TCF20: variants seen among roughly 807,000 people sequenced by gnomAD.
The protein encoded by TCF20 is SPRE-binding protein.
A neutral mutation model predicts 148.6 loss-of-function variants in TCF20; 3 were observed. The observed-to-expected ratio is 0.02, with a 90% CI of 0.01 to 0.05. The LOEUF (loss-of-function observed/expected upper bound fraction) is 0.05, where lower values mean the gene tolerates loss of function less well. TCF20 is among the 10% of genes least tolerant of loss of function. The pLI, the probability that TCF20 is intolerant of heterozygous loss-of-function variation, is 1.00. For missense variants in TCF20, 2,350 were observed against 2,429.3 expected, an observed-to-expected ratio of 0.97 and a Z score of 0.69; for synonymous variants, 1,049 against 909.5, an observed-to-expected ratio of 1.15 and a Z score of -2.76.
At chr22:42,288,020 G>C (rs1254609128), upstream of TCF20, among the ~76,000 whole-genome samples, 1 of 152,190 alleles carries the variant, frequency 6.6e-6, no homozygotes, top group East Asian at 1.9e-4. Flanking sequence ...GCAAAGAGGA[G>C]GCAGGCCAGT....
At chr22:42,246,427 T>C (rs1459913143) in intron 1 of TCF20, among the ~76,000 whole-genome samples, 3 of 152,138 alleles carry the variant, frequency 2.0e-5, no homozygotes, top group African/African-American at 4.8e-5. Context: ...CTTAATTCTT[T>C]ACCTACATTG....
intron 1 of TCF20, among the ~76,000 whole-genome samples, chr22:42,283,339 ACCCT>A (rs1926949647): frequency 1.3e-5 from 2 of 150,792 alleles, no homozygotes; most frequent in Admixed American, 6.6e-5. Flanking sequence ...GCCGCTCTGC[ACCCT>A]CACACCCGGG....
In TCF20 at chr22:42,211,601, A is replaced by G; in HGVS notation, c.3705T>C (p.Val1235=). Residue 1235 remains valine (V), a synonymous_variant, in exon 2 of 6, where the codon GTT becomes GTC. Coordinates refer to ENST00000677622, the MANE Select transcript of TCF20 (RefSeq NM_001378418.1). ...CCTCCTGGCCTGGAAGTCTCAGCATAACACTACCAGGTTTGGATGACTGTG... is the reference window on the plus strand; with the variant it reads ...CCTCCTGGCCTGGAAGTCTCAGCATGACACTACCAGGTTTGGATGACTGTG... ...EATQSSKPGS[V]MLRLPGQEDH... The G allele has an allele frequency of 6.2e-7, 1 of 1,614,234 alleles. No individual in the cohort carries two copies.
intron 1 of TCF20, among the ~76,000 whole-genome samples, chr22:42,303,783 TGG>T (rs1249267458): frequency 7.2e-6 from 1 of 139,528 alleles, no homozygotes; most frequent in Non-Finnish European, 1.5e-5. Flanking sequence ...GGAAGAGGAC[TGG>T]GGGAGAAGAG....
chr22:42,336,046 C>A (rs142335958), intron 1 of TCF20, among the ~76,000 whole-genome samples: 281 of 152,348 alleles, frequency 1.8e-3, no homozygotes, highest in African/African-American at 6.0e-3. Context: ...ACCTTGGCCC[C>A]ATTAGCGTGG....
chr22:42,208,946 G>C (rs1938581504), intron 2 of TCF20, among the ~76,000 whole-genome samples: 1 of 152,162 alleles, frequency 6.6e-6, no homozygotes, highest in Admixed American at 6.6e-5. Flanking sequence ...TAGGGAAAAG[G>C]AGAAGATCCT....
At position 42,317,676 on chromosome 22, in the gene TCF20, C is replaced by T. The variant is rs1415281298; in HGVS notation, c.-37+25803G>A. ...GGGGGGAAAGGGGTGTAGACTCAGC[C>T]GCAGGACAGCGGGAGGGTGGGGGTT... On this transcript the variant is annotated intron_variant, in intron 1 of 1. Coordinates refer to the TCF20 transcript ENST00000515426. The surrounding 1 kb of genome is among the most constrained non-coding windows in gnomAD (Gnocchi z 4.2). Among the ~76,000 whole-genome samples, 3 of 151,950 alleles carry T rather than the reference C, an allele frequency of 2.0e-5. No homozygotes were observed. The highest frequency in any genetic ancestry group is 2.9e-5 in the Non-Finnish European group (2 of 67,960).
intron 1 of TCF20, among the ~76,000 whole-genome samples, chr22:42,307,913 G>A (rs890168578): frequency 4.6e-5 from 7 of 152,194 alleles, no homozygotes; most frequent in African/African-American, 9.7e-5. Flanking sequence ...GACGAACTTC[G>A]AGGCACTGCT....
chr22:42,197,298 A>T (rs1230570879), intron 2 of TCF20, among the ~76,000 whole-genome samples: 2 of 151,270 alleles, frequency 1.3e-5, no homozygotes, highest in African/African-American at 4.9e-5. Context: ...GTCCTCTATC[A>T]TCATCTAATT....
intron 5 of TCF20, among the ~76,000 whole-genome samples, chr22:42,161,972 C>CTTTTTTTTTTTTTTTTTTTTTTTTTTTTT (rs3045573): frequency 1.3e-5 from 1 of 75,026 alleles, no homozygotes; most frequent in African/African-American, 6.4e-5. Context: ...TAATGACAGT[C>CTTTTTTTTTTTTTTTTTTTTTTTTTTTTT]TTTTTTTTTT....
intron 2 of TCF20, among the ~76,000 whole-genome samples, chr22:42,207,440 A>G (rs1224807506): frequency 6.6e-6 from 1 of 152,126 alleles, no homozygotes; most frequent in Non-Finnish European, 1.5e-5. Flanking sequence ...TTCTACGGAG[A>G]GGACTACAGG....
intron 3 of TCF20, among the ~76,000 whole-genome samples, chr22:42,174,801 C>T (rs1481071371): frequency 2.6e-5 from 4 of 151,950 alleles, no homozygotes; most frequent in Non-Finnish European, 5.9e-5. Flanking sequence ...TTTGGGGGGC[C>T]AAGGTGGGCA....
In TCF20 at chr22:42,213,149, T is replaced by C; in HGVS notation, c.2157A>G (p.Arg719=). The part of the protein sequence containing the change: ...YKDSFGSAVP[R]NVSGFPQYPT... ...GATACTGAGGAAAGCCACTGACATT[T>C]CGTGGCACGGCTGACCCGAAACTAT... The change falls in exon 2 of 6, where the codon CGA becomes CGG. Residue 719 remains arginine, a synonymous_variant. Transcript: ENST00000677622. 6.2e-7 allele frequency: 1 copy of C among 1,614,208 alleles called. No individual in the cohort carries two copies. Among genetic ancestry groups the C allele is most frequent in the South Asian group, 1.1e-5 (1 of 91,084 alleles).
chr22:42,226,751 T>C (rs747721945), intron 1 of TCF20, among the ~76,000 whole-genome samples: 1 of 152,002 alleles, frequency 6.6e-6, no homozygotes, highest in South Asian at 2.1e-4. Flanking sequence ...CAATTCTGAA[T>C]TAAAATTCAA....
intron 1 of TCF20, among the ~76,000 whole-genome samples, chr22:42,248,763 T>C (rs898501274): frequency 6.6e-6 from 1 of 152,226 alleles, no homozygotes; most frequent in Non-Finnish European, 1.5e-5. Context: ...TGCATAGTTT[T>C]GGTTGTACAC....
chr22:42,263,872 G>A (rs1926148279), intron 1 of TCF20, among the ~76,000 whole-genome samples: 1 of 152,114 alleles, frequency 6.6e-6, no homozygotes. Context: ...GGGCATAGAT[G>A]GCAAAGAATA....
chr22:42,240,422 T>C (rs986374611), intron 1 of TCF20, among the ~76,000 whole-genome samples: 1 of 152,240 alleles, frequency 6.6e-6, no homozygotes, highest in Non-Finnish European at 1.5e-5. Flanking sequence ...TCAAGGTTAA[T>C]GTTAGAATAA....
At chr22:42,288,815 C>T (rs531578969), upstream of TCF20, among the ~76,000 whole-genome samples, 2 of 150,840 alleles carry the variant, frequency 1.3e-5, no homozygotes, top group East Asian at 2.0e-4. Context: ...GCTGGCACAA[C>T]GTTGCCATTC....
chr22:42,231,222 C>T (rs1210748231), intron 1 of TCF20, among the ~76,000 whole-genome samples: 2 of 152,088 alleles, frequency 1.3e-5, no homozygotes, highest in Admixed American at 1.3e-4. Context: ...TGGCTCACAC[C>T]TACAATTCCA....
Sources: allele counts gnomAD v4.1 joint callset (sites outside exome capture counted in the v4.1 genomes callset), GRCh38; gene constraint gnomAD v4.1.1; non-coding constraint Gnocchi (gnomAD v3.1); transcripts MANE v1.5; gene names NCBI Gene and HGNC (gene_info 2026-07-23, HGNC 2026-07-21).